Variants in AGO3 observed in about 807,000 individuals in gnomAD.
AGO3 encodes the protein argonaute RISC catalytic component 3.
Under a neutral mutation model 105.5 loss-of-function variants are expected in AGO3, and 16 were observed. The ratio of observed to expected loss-of-function variants is 0.15; its 90% CI spans 0.10 to 0.23. The LOEUF (loss-of-function observed/expected upper bound fraction) is 0.23, where lower values mean the gene tolerates loss of function less well. AGO3 is among the 10% of genes least tolerant of loss of function. The probability of loss-of-function intolerance (pLI) is 1.00; values close to 1 mark genes in which losing one functional copy is unlikely to be tolerated. For synonymous variants in AGO3, 340 were observed against 367.3 expected (o/e 0.93, Z 0.85); for missense variants, 534 against 1,088.0 (o/e 0.49, Z 7.16).
rs1640447489 is a variant in AGO3, at chr1:36,008,769, T to C, written c.873T>C (p.Ser291=). ...GTAATGTAACAAGGAGGCCTGCCAG[T>C]CATCAAACGTAAGAAAAGTTTGTCA... ...RVCNVTRRPA[S]HQTFPLQLEN... The change falls in exon 7 of 19, where the codon AGT becomes AGC. Residue 291 remains serine, a synonymous_variant. Transcript: ENST00000373191. The surrounding 1 kb of genome is among the most constrained non-coding windows in gnomAD (Gnocchi z 5.1). 1 of 1,614,146 alleles carries C rather than the reference T, an allele frequency of 6.2e-7. No individual in the cohort carries two copies. Among genetic ancestry groups the C allele is most frequent in the Admixed American group, 1.7e-5 (1 of 59,996 alleles).
intron 14 of AGO3, 150 bp downstream of exon 14, chr1:36,036,417 G>A (rs1208794225): frequency 2.7e-6 from 2 of 731,066 alleles, no homozygotes; most frequent in African/African-American, 3.6e-5. Flanking sequence ...CTCTGGTTTG[G>A]AGTTTGGAAG....
chr1:35,988,814 C>T (rs1295888217), intron 5 of AGO3, among the ~76,000 whole-genome samples: 1 of 152,014 alleles, frequency 6.6e-6, no homozygotes, highest in African/African-American at 2.4e-5. Context: ...ATTGCTAGAT[C>T]ATGTAGTAGT....
At chr1:36,049,716 T>C (rs891474089) in intron 17 of AGO3, among the ~76,000 whole-genome samples, 16 of 152,098 alleles carry the variant, frequency 1.1e-4, no homozygotes, top group African/African-American at 3.9e-4. Flanking sequence ...ATGGAGAAAG[T>C]CATTCATTCC....
At chr1:36,047,800 G>T (rs1453306367) in intron 17 of AGO3, among the ~76,000 whole-genome samples, 1 of 151,976 alleles carries the variant, frequency 6.6e-6, no homozygotes, top group African/African-American at 2.4e-5. Flanking sequence ...GATCACTTGA[G>T]CCGGGGAGGT....
intron 11 of AGO3, among the ~76,000 whole-genome samples, chr1:36,016,656 T>G (rs1640919097): frequency 1.3e-5 from 2 of 152,228 alleles, no homozygotes; most frequent in Admixed American, 1.3e-4. Context: ...ACTTATTTGG[T>G]CTCAAATCCC....
In AGO3 at chr1:36,013,719, A is replaced by C; in HGVS notation, c.1239A>C (p.Val413=). 1 of 1,614,220 alleles carries C rather than the reference A, an allele frequency of 6.2e-7. No homozygotes were observed. The highest frequency in any genetic ancestry group is 8.5e-7 in the Non-Finnish European group (1 of 1,180,022). The change falls in exon 10 of 19, where the codon GTA becomes GTC. Residue 413 remains valine (V), a synonymous_variant. Coordinates refer to ENST00000373191, the MANE Select transcript of AGO3 (RefSeq NM_024852.4). ...AAATGGCTCATGTAACTGGACGCGT[A>C]CTTCCAGCACCTATGCTCCAGTATG... ...RDEMAHVTGR[V]LPAPMLQYGG...
chr1:35,940,167 A>G (rs1210165399), intron 1 of AGO3, among the ~76,000 whole-genome samples: 1 of 152,080 alleles, frequency 6.6e-6, no homozygotes, highest in Non-Finnish European at 1.5e-5. Flanking sequence ...CCCAGGTTCA[A>G]GCGATTCTCC....
Position 36,009,588 on chromosome 1 carries a change from C to A in AGO3, c.1143C>A (p.Ser381Arg). 2 of 1,610,566 alleles carry A rather than the reference C, an allele frequency of 1.2e-6. No individual in the cohort carries two copies. Among genetic ancestry groups the A allele is most frequent in the Non-Finnish European group, 1.7e-6 (2 of 1,179,090 alleles). The change falls in exon 9 of 19, where the codon AGC becomes AGA. Residue 381 changes from serine (S) to arginine (R), a missense_variant. Physicochemically the swap from Ser to Arg is moderately radical, Grantham distance 110. Around this residue, in one of 2 missense-constraint regions of AGO3, gnomAD observed 373 missense variants for 854.0 expected, o/e 0.44. Transcript: ENST00000373191. The part of the protein sequence containing the change: ...RSAPDRQEEI[S>R]RLVRSANYET... Reference sequence around the variant, plus strand: ...CACCAGATAGACAAGAGGAAATTAGCAGATTGGTTAGTACTTAACCTTAGA... The same window carrying A: ...CACCAGATAGACAAGAGGAAATTAGAAGATTGGTTAGTACTTAACCTTAGA...
chr1:36,066,282 CGGGCACGGT>C lies in AGO3; in HGVS notation c.*10540_*10548del, dbSNP rs1469224002. The C allele has an allele frequency of 6.6e-6, 1 of 152,104 alleles. No homozygotes were observed. The highest frequency in any genetic ancestry group is 1.5e-5 in the Non-Finnish European group (1 of 68,068). 9.4% of individuals were successfully genotyped at this position (152,104 alleles called of 1,614,324 possible). A position where few individuals can be genotyped will look rare whatever the true frequency, so the allele number is the denominator to read the frequency against. ...TAGTGCCTAAAACTTTCATCTTGGC[CGGGCACGGT>C]GGCTCACACCTGTAATCCCAGCACT... On this transcript the variant is annotated 3_prime_UTR_variant, in exon 19 of 19. Coordinates refer to ENST00000373191, the MANE Select transcript of AGO3 (RefSeq NM_024852.4).
At position 35,983,055 on chromosome 1, in the gene AGO3, A is replaced by G. The variant is rs528032237; in HGVS notation, c.658+9544A>G. 43 of 163,676 alleles carry G rather than the reference A, an allele frequency of 2.6e-4. No individual in the cohort carries two copies. The South Asian group carries it at 8.0e-3, about 30-fold the overall frequency. The allele number at this position is 163,676 out of a possible 1,614,324, so 10.1% of individuals were successfully genotyped here. On this transcript the variant is annotated intron_variant, in intron 5 of 18. Coordinates refer to ENST00000373191, the MANE Select transcript of AGO3 (RefSeq NM_024852.4). ...GGGAAATTCAGGCATGGGCTGAAGC[A>G]GTTATCTATAAGTGGAATTTCTTGC...
chr1:36,055,585 T>C lies in AGO3; in HGVS notation c.2475-52T>C. On this transcript the variant is annotated intron_variant, in intron 18 of 18. Coordinates refer to ENST00000373191, the MANE Select transcript of AGO3 (RefSeq NM_024852.4). The surrounding 1 kb of genome is among the most constrained non-coding windows in gnomAD (Gnocchi z 4.4). ...CAACAAATAGTATTTTTCGGAATTATTACATCAGAATAGAAAGTTTGTTTT... is the reference window on the plus strand; with the variant it reads ...CAACAAATAGTATTTTTCGGAATTACTACATCAGAATAGAAAGTTTGTTTT... 13 of 1,522,078 alleles carry C rather than the reference T, an allele frequency of 8.5e-6. No homozygotes were observed. The highest frequency in any genetic ancestry group is 1.1e-5 in the Non-Finnish European group (12 of 1,101,104). The allele number at this position is 1,522,078 out of a possible 1,614,324, so 94.3% of individuals were successfully genotyped here.
chr1:36,020,139 G>A (rs974298637), intron 11 of AGO3, among the ~76,000 whole-genome samples: 2 of 152,078 alleles, frequency 1.3e-5, no homozygotes, highest in Admixed American at 1.3e-4. Flanking sequence ...AATTTTTAAG[G>A]ACTCAGGAAG....
At chr1:35,932,747 A>T (rs1557637363) in intron 1 of AGO3, among the ~76,000 whole-genome samples, 1 of 152,036 alleles carries the variant, frequency 6.6e-6, no homozygotes, top group African/African-American at 2.4e-5. Context: ...CTGCCCTTTT[A>T]AAAAAATTAC....
chr1:36,036,607 T>C (rs1642020918), intron 14 of AGO3, among the ~76,000 whole-genome samples: 1 of 152,364 alleles, frequency 6.6e-6, no homozygotes, highest in East Asian at 1.9e-4. Flanking sequence ...ACACTACATA[T>C]AAGCTTGGTG....
chr1:35,939,469 A>T (rs1365544794), intron 1 of AGO3, among the ~76,000 whole-genome samples: 2 of 152,196 alleles, frequency 1.3e-5, no homozygotes, highest in African/African-American at 2.4e-5. Context: ...ATGTGTCGGT[A>T]TAGGTTTGAG....
At chr1:35,933,199 A>G (rs966679565) in intron 1 of AGO3, among the ~76,000 whole-genome samples, 2 of 152,180 alleles carry the variant, frequency 1.3e-5, no homozygotes, top group African/African-American at 2.4e-5. Context: ...TACAGTTTAT[A>G]CATGATTGAA....
chr1:36,043,248 T>A, intron 16 of AGO3, 199 bp from the exon 17 acceptor site: 1 of 560,610 alleles, frequency 1.8e-6, no homozygotes, highest in Non-Finnish European at 3.2e-6. Flanking sequence ...TTGTTGTGTA[T>A]CAGCGCTCAC....
intron 13 of AGO3, among the ~76,000 whole-genome samples, chr1:36,035,139 CT>C (rs1641946288): frequency 6.6e-6 from 1 of 152,198 alleles, no homozygotes; most frequent in South Asian, 2.1e-4. Context: ...CATGCCATCT[CT>C]ACTTTCTACC....
rs1390575142 is a variant in AGO3 at position 36,058,791 on chromosome 1, G to A, written c.*3046G>A. ...TATCGTATATACATTTTTTCTCCCA[G>A]CCTTCTCCCATCTCCTCCAGAAAAA... is the stretch of plus-strand genomic sequence containing the variant. On this transcript the variant is annotated 3_prime_UTR_variant, in exon 19 of 19. Transcript: ENST00000373191. 3 of 151,946 alleles carry A rather than the reference G, an allele frequency of 2.0e-5. No homozygotes were observed. The East Asian group carries it at 5.8e-4, about 29-fold the overall frequency. The allele number at this position is 151,946 out of a possible 1,614,324, so 9.4% of individuals were successfully genotyped here.
Sources: gnomAD v4.1 joint callset for allele counts (sites outside exome capture counted in the v4.1 genomes callset) on GRCh38, gnomAD v4.1.1 for gene constraint, gnomAD v4.1.1 regional missense constraint, Gnocchi (gnomAD v3.1) non-coding constraint, MANE v1.5 for transcripts, NCBI Gene and HGNC (gene_info 2026-07-23, HGNC 2026-07-21) for gene names.